Variants in QSOX1 observed in about 807,000 individuals in gnomAD.
QSOX1 encodes the protein quiescin sulfhydryl oxidase 1.
In QSOX1, 40 loss-of-function variants were observed where a neutral mutation model predicts 76.1. That is an observed-to-expected ratio of 0.53 (90% CI 0.41 to 0.68). The LOEUF is 0.68. Ranked by LOEUF, QSOX1 falls within the 30% of genes least tolerant of loss-of-function variation. The pLI is 0.00. For missense variants in QSOX1, 931 were observed against 974.3 expected (o/e 0.96, Z 0.59); for synonymous variants, 392 against 413.1 (o/e 0.95, Z 0.62).
intron 7 of QSOX1, among the ~76,000 whole-genome samples, chr1:180,185,616 G>T (rs1663151458): frequency 1.3e-5 from 2 of 152,182 alleles, no homozygotes. Context: ...TTTCAGAGAG[G>T]GCCCAGTTTT....
At chr1:180,164,689 C>G (rs1447658798) in intron 1 of QSOX1, among the ~76,000 whole-genome samples, 1 of 152,232 alleles carries the variant, frequency 6.6e-6, no homozygotes, top group Non-Finnish European at 1.5e-5. Context: ...CTTAGGAGCT[C>G]TGATACCTTC....
chr1:180,157,701 C>A (rs796718384), intron 1 of QSOX1, among the ~76,000 whole-genome samples: 16 of 152,322 alleles, frequency 1.1e-4, no homozygotes, highest in African/African-American at 3.8e-4. Context: ...TATCCCCTTT[C>A]TATTCCAGAG....
chr1:180,162,356 T>A (rs1156330326), intron 1 of QSOX1, among the ~76,000 whole-genome samples: 1 of 152,218 alleles, frequency 6.6e-6, no homozygotes, highest in Non-Finnish European at 1.5e-5. Flanking sequence ...CCCTGAAATG[T>A]TCCAAAGTTA....
In QSOX1 at chr1:180,174,869, G is replaced by A. The variant is rs191709880; in HGVS notation, c.367-452G>A. ...CCCCCCAATTCACCATTTTACAGAT[G>A]AAGAAACAGGCTCGGCCAGGCGCCT... On this transcript the variant is annotated intron_variant, in intron 2 of 11. Coordinates refer to ENST00000367602, the MANE Select transcript of QSOX1 (RefSeq NM_002826.5). 2.0e-5 allele frequency among the ~76,000 whole-genome samples: 3 copies of A among 152,118 alleles called. No homozygotes were observed. The East Asian group carries it at 5.8e-4, about 30-fold the overall frequency.
intron 11 of QSOX1, among the ~76,000 whole-genome samples, chr1:180,195,887 A>G (rs1392303373): frequency 1.3e-5 from 2 of 152,264 alleles, no homozygotes; most frequent in African/African-American, 4.8e-5. Flanking sequence ...AAAACAGATC[A>G]AAATGAGTAT....
chr1:180,187,390 G>A (rs1302779091), intron 8 of QSOX1, among the ~76,000 whole-genome samples: 1 of 152,144 alleles, frequency 6.6e-6, no homozygotes, highest in African/African-American at 2.4e-5. Flanking sequence ...TAGAGACTTA[G>A]AGGGGAAAAA....
chr1:180,183,901 T>G lies in QSOX1; in HGVS notation c.753-15T>G. The G allele has an allele frequency of 6.2e-7, 1 of 1,610,380 alleles. No homozygotes were observed. Among genetic ancestry groups the G allele is most frequent in the East Asian group, 2.2e-5 (1 of 44,842 alleles). On this transcript the variant is annotated splice_polypyrimidine_tract_variant and intron_variant, in intron 6 of 11. Transcript: ENST00000367602. ...GCACTTACTGCCTCTCCTCCCTGGTTCTGTGCCCTCACAGGCTCATGGAAT... is the reference window on the plus strand; with the variant it reads ...GCACTTACTGCCTCTCCTCCCTGGTGCTGTGCCCTCACAGGCTCATGGAAT...
At chr1:180,166,149 TGGGGGGCTGG>T (rs1662613259) in intron 1 of QSOX1, among the ~76,000 whole-genome samples, 1 of 142,030 alleles carries the variant, frequency 7.0e-6, no homozygotes, top group South Asian at 2.5e-4. Context: ...TCCTGGGGGG[TGGGGGGCTGG>T]GGGGATGGCG....
intron 1 of QSOX1, among the ~76,000 whole-genome samples, chr1:180,166,264 T>TA (rs1347966640): frequency 6.6e-6 from 1 of 152,178 alleles, no homozygotes; most frequent in East Asian, 1.9e-4. Flanking sequence ...CAGTATGACT[T>TA]ATGCTAATCA....
At position 180,159,220 on chromosome 1, in the gene QSOX1, T is replaced by C. The variant is rs79347156; in HGVS notation, c.265+4048T>C. Among the ~76,000 whole-genome samples, 724 of 152,334 alleles carry C rather than the reference T, an allele frequency of 4.8e-3. 42 individuals are homozygous for C. The East Asian group carries it at 0.13, about 27-fold the overall frequency. On this transcript the variant is annotated intron_variant, in intron 1 of 11. Transcript: ENST00000367602. The stretch of plus-strand genomic sequence containing the variant: ...TGTGGTTGGTAGAAAAATTACGCTG[T>C]TCAGAGCAATAATTGCACCAGGAAA...
chr1:180,163,767 CAGTT>C (rs777026908), intron 1 of QSOX1, among the ~76,000 whole-genome samples: 2 of 152,150 alleles, frequency 1.3e-5, no homozygotes. Context: ...CTTCTAAAGT[CAGTT>C]AGAGCCCCCA....
intron 1 of QSOX1, among the ~76,000 whole-genome samples, chr1:180,160,286 CTA>C (rs1249715512): frequency 6.6e-6 from 1 of 151,834 alleles, no homozygotes; most frequent in East Asian, 1.9e-4. Flanking sequence ...TCTCAATACA[CTA>C]TGTGTCTATC....
intron 1 of QSOX1, among the ~76,000 whole-genome samples, chr1:180,156,629 T>A (rs1485421746): frequency 6.6e-6 from 1 of 152,206 alleles, no homozygotes; most frequent in Non-Finnish European, 1.5e-5. Flanking sequence ...AAATGAAACT[T>A]ATAAGCTGTT....
chr1:180,164,523 T>C (rs188610598), intron 1 of QSOX1, among the ~76,000 whole-genome samples: 235 of 152,276 alleles, frequency 1.5e-3, no homozygotes, highest in African/African-American at 5.5e-3. Flanking sequence ...GCCACAGGCC[T>C]TCCTCCCAGC....
At chr1:180,163,775 G>A (rs12064324) in intron 1 of QSOX1, among the ~76,000 whole-genome samples, 4,468 of 152,220 alleles carry the variant, frequency 0.029, 127 homozygotes, top group East Asian at 0.095. Context: ...GTCAGTTAGA[G>A]CCCCCAGAGA....
rs1663495365 is a variant in QSOX1 at position 180,196,559 on chromosome 1, C to T, written c.1766C>T (p.Pro589Leu). 4 of 1,614,040 alleles carry T rather than the reference C, an allele frequency of 2.5e-6. No individual in the cohort carries two copies. Among genetic ancestry groups the T allele is most frequent in the Non-Finnish European group, 3.4e-6 (4 of 1,180,036 alleles). The change falls in exon 12 of 12, where the codon CCC becomes CTC. Residue 589 changes from proline to leucine, a missense_variant. By Grantham distance (98) the Pro-to-Leu change is moderately conservative. Coordinates refer to ENST00000367602, the MANE Select transcript of QSOX1 (RefSeq NM_002826.5). The surrounding 1 kb of genome is among the most constrained non-coding windows in gnomAD (Gnocchi z 4.1). ...DPGKPEMMKS[P>L]TNTTPHVPAE... is the part of the protein sequence containing the mutation. The stretch of plus-strand genomic sequence containing the variant: ...GGGAAGCCTGAGATGATGAAGTCCC[C>T]CACAAACACCACCCCACATGTGCCG...
rs997056625 is a variant in QSOX1, at chr1:180,161,515, T to C, written c.266-4976T>C. Among the ~76,000 whole-genome samples, 7 of 152,360 alleles carry C rather than the reference T, an allele frequency of 4.6e-5. No homozygotes were observed. The East Asian group carries it at 1.3e-3, about 29-fold the overall frequency. On this transcript the variant is annotated intron_variant, in intron 1 of 11. Transcript: ENST00000367602. ...TGTTGTAAAGAGAGCAGATACTTATTGAACTTATGCAAATAACAGTATTGC... is the reference window on the plus strand; with the variant it reads ...TGTTGTAAAGAGAGCAGATACTTATCGAACTTATGCAAATAACAGTATTGC...
intron 5 of QSOX1, among the ~76,000 whole-genome samples, chr1:180,181,421 C>T (rs951554420): frequency 9.9e-5 from 15 of 152,122 alleles, no homozygotes; most frequent in Non-Finnish European, 1.9e-4. Context: ...GAGAGCCCCA[C>T]GTTAAGAAAC....
rs1422467375 is a variant in QSOX1 at position 180,202,521 on chromosome 1, C to G, written c.*5484C>G. 6.6e-6 allele frequency: 1 copy of G among 151,996 alleles called. No individual in the cohort carries two copies. Among genetic ancestry groups the G allele is most frequent in the Non-Finnish European group, 1.5e-5 (1 of 68,000 alleles). 9.4% of individuals were successfully genotyped at this position (151,996 alleles called of 1,614,324 possible). On this transcript the variant is annotated 3_prime_UTR_variant, in exon 12 of 12. Transcript: ENST00000367602. ...TGTCCCCATCAAGTTCTTAACCATC[C>G]CGGGTTCCAATGGTTACAGAGTTCT... is the stretch of plus-strand genomic sequence containing the variant.
Sources: allele counts gnomAD v4.1 joint callset (sites outside exome capture counted in the v4.1 genomes callset), GRCh38; gene constraint gnomAD v4.1.1; non-coding constraint Gnocchi (gnomAD v3.1); transcripts MANE v1.5; gene names NCBI Gene and HGNC (gene_info 2026-07-23, HGNC 2026-07-21).